TBXAS1: variants seen among roughly 807,000 people sequenced by gnomAD.
TBXAS1 encodes thromboxane-A synthase.
A neutral mutation model predicts 60.7 loss-of-function variants in TBXAS1; 48 were observed. That is an observed-to-expected ratio of 0.79 (90% CI 0.63 to 1.01). The LOEUF (loss-of-function observed/expected upper bound fraction) is 1.01. TBXAS1 is among the 50% of genes least tolerant of loss of function. The pLI is 0.00. For synonymous variants in TBXAS1, 287 were observed against 269.7 expected (o/e 1.06, Z -0.63); for missense variants, 685 against 686.3 (o/e 1.00, Z 0.02).
chr7:139,956,094 G>A (rs1311975976), intron 7 of TBXAS1, among the ~76,000 whole-genome samples: 2 of 151,924 alleles, frequency 1.3e-5, no homozygotes, highest in African/African-American at 2.4e-5. Context: ...TGGTGGATGA[G>A]GATTAGGTCA....
Position 139,956,728 on chromosome 7 carries a change from G to C in TBXAS1, c.689-906G>C, listed in dbSNP as rs148561627. Among the ~76,000 whole-genome samples the C allele has an allele frequency of 6.6e-5, 10 of 152,364 alleles. No individual in the cohort carries two copies. The East Asian group carries it at 1.2e-3, about 18-fold the overall frequency. On this transcript the variant is annotated intron_variant, in intron 7 of 12. Coordinates refer to ENST00000448866, the MANE Select transcript of TBXAS1 (RefSeq NM_001061.7). ...AGTCTCTTCCTGCACCCTTTCCACC[G>C]ATCTTGGAGGCAGCGCAGGCTGTGT...
chr7:139,818,212 C>G (rs1003899839), intron 4 of TBXAS1, among the ~76,000 whole-genome samples: 13 of 152,112 alleles, frequency 8.5e-5, no homozygotes, highest in Admixed American at 4.6e-4. Context: ...GGTGGCTACT[C>G]TAAGTCCTGA....
chr7:139,940,337 C>T (rs1808189816), intron 5 of TBXAS1, among the ~76,000 whole-genome samples: 1 of 152,216 alleles, frequency 6.6e-6, no homozygotes, highest in Admixed American at 6.5e-5. Context: ...AATCTCCCAG[C>T]TGCCTTTGTT....
At chr7:139,793,327 G>A (rs1485941346) in intron 4 of TBXAS1, among the ~76,000 whole-genome samples, 2 of 152,138 alleles carry the variant, frequency 1.3e-5, no homozygotes, top group African/African-American at 4.8e-5. Context: ...GGCCAAGCCA[G>A]GAGAATCACT....
upstream of TBXAS1, among the ~76,000 whole-genome samples, chr7:139,824,686 T>C (rs1270640201): frequency 2.6e-5 from 4 of 152,176 alleles, no homozygotes; most frequent in Non-Finnish European, 5.9e-5. Flanking sequence ...AATATACATA[T>C]GCCTGTGCAT....
intron 4 of TBXAS1, among the ~76,000 whole-genome samples, chr7:139,930,306 C>A (rs756863402): frequency 6.6e-6 from 1 of 152,210 alleles, no homozygotes; most frequent in East Asian, 1.9e-4. Context: ...TGTGAGGACA[C>A]GGAGCTTCAT....
chr7:139,872,812 G>A (rs1801920465), intron 2 of TBXAS1, among the ~76,000 whole-genome samples: 1 of 152,164 alleles, frequency 6.6e-6, no homozygotes, highest in African/African-American at 2.4e-5. Flanking sequence ...GAATTGTTAT[G>A]TGATGGCAAG....
chr7:139,954,487 A>T (rs914160935), intron 6 of TBXAS1, among the ~76,000 whole-genome samples: 1 of 152,270 alleles, frequency 6.6e-6, no homozygotes, highest in Admixed American at 6.5e-5. Context: ...CGTTTTCAAT[A>T]AAAGCAGTGT....
intron 9 of TBXAS1, among the ~76,000 whole-genome samples, chr7:139,967,160 A>C (rs889632604): frequency 6.6e-6 from 1 of 152,200 alleles, no homozygotes; most frequent in African/African-American, 2.4e-5. Flanking sequence ...TGCCTTCCCC[A>C]GTGTCCGCCC....
chr7:139,876,616 A>G (rs979859921), intron 3 of TBXAS1, among the ~76,000 whole-genome samples: 1 of 152,010 alleles, frequency 6.6e-6, no homozygotes, highest in Non-Finnish European at 1.5e-5. Flanking sequence ...TTTGAAAGGG[A>G]TTGGCTTGTC....
intron 1 of TBXAS1, among the ~76,000 whole-genome samples, chr7:139,864,487 T>G (rs1259012165): frequency 6.6e-6 from 1 of 152,078 alleles, no homozygotes; most frequent in African/African-American, 2.4e-5. Context: ...TAGCATTTTC[T>G]CATCAAATCA....
At chr7:139,800,527 T>G (rs1276628080) in intron 4 of TBXAS1, among the ~76,000 whole-genome samples, 3 of 152,188 alleles carry the variant, frequency 2.0e-5, no homozygotes, top group African/African-American at 7.2e-5. Flanking sequence ...TCTTATTACC[T>G]GTTTATTTCC....
chr7:139,922,317 G>T (rs1330569018), intron 4 of TBXAS1, among the ~76,000 whole-genome samples: 1 of 151,832 alleles, frequency 6.6e-6, no homozygotes, highest in Non-Finnish European at 1.5e-5. Flanking sequence ...GGTCAGGTTG[G>T]TCTCGAATTC....
intron 8 of TBXAS1, among the ~76,000 whole-genome samples, chr7:139,958,067 ACAGGTTAGAATAGCC>A (rs748275755): frequency 2.6e-5 from 4 of 152,196 alleles, no homozygotes; most frequent in Non-Finnish European, 5.9e-5. Context: ...CAACCCAAGC[ACAGGTTAGAATAGCC>A]CAGAAGAATT....
At chr7:139,790,006 G>A (rs1002942593) in intron 4 of TBXAS1, among the ~76,000 whole-genome samples, 4 of 152,154 alleles carry the variant, frequency 2.6e-5, no homozygotes, top group African/African-American at 9.7e-5. Flanking sequence ...AACTCACACT[G>A]AGCCCTAACT....
At position 139,829,369 on chromosome 7, in the gene TBXAS1, A is replaced by G. The variant is rs766895277; in HGVS notation, c.-22A>G. The stretch of plus-strand genomic sequence containing the variant: ...CTCCTGTCTCATCTGGAAGACCACC[A>G]CTCTGGGGTCTCAGAGGAATGATGG... On this transcript the variant is annotated 5_prime_UTR_variant, in exon 1 of 13. Transcript: ENST00000448866. The G allele has an allele frequency of 6.2e-7, 1 of 1,608,110 alleles. No homozygotes were observed. The highest frequency in any genetic ancestry group is 1.1e-5 in the South Asian group (1 of 90,158).
chr7:140,012,833 G>A (rs965332253), intron 10 of TBXAS1, among the ~76,000 whole-genome samples: 1 of 152,106 alleles, frequency 6.6e-6, no homozygotes, highest in Non-Finnish European at 1.5e-5. Flanking sequence ...GGAAGAGAGC[G>A]GTTCTTCACC....
In TBXAS1 at chr7:140,020,195, A is replaced by AT. The variant is rs774411694; in HGVS notation, c.*98dup. 66 of 1,175,536 alleles carry AT rather than the reference A, an allele frequency of 5.6e-5. No homozygotes were observed. The highest frequency in any genetic ancestry group is 7.6e-5 in the Non-Finnish European group (60 of 787,584). The allele number at this position is 1,175,536 out of a possible 1,614,324, so 72.8% of individuals were successfully genotyped here. On this transcript the variant is annotated 3_prime_UTR_variant, in exon 13 of 13. Transcript: ENST00000448866. ...ATTTTGGAAAAATGTCACTGAAGTGATTGAAAGAGTGCCTGGCATGCAAGG... is the reference window on the plus strand; with the variant it reads ...ATTTTGGAAAAATGTCACTGAAGTGATTTGAAAGAGTGCCTGGCATGCAAGG...
chr7:139,877,712 T>C (rs117377608), intron 3 of TBXAS1, among the ~76,000 whole-genome samples: 2,308 of 149,036 alleles, frequency 0.015, 34 homozygotes, highest in African/African-American at 0.034. Flanking sequence ...TATGAGCCAC[T>C]GCACCCAGTC....
Sources: allele counts gnomAD v4.1 joint callset (sites outside exome capture counted in the v4.1 genomes callset), GRCh38; gene constraint gnomAD v4.1.1; transcripts MANE v1.5; gene names NCBI Gene and HGNC (gene_info 2026-07-23, HGNC 2026-07-21).